The following STIM1 variants were observed in gnomAD, a reference collection of about 807,000 sequenced individuals.
STIM1 encodes the protein stromal interaction molecule 1.
STIM1 carries 25 observed loss-of-function variants against 74.7 expected under a neutral mutation model. The observed-to-expected ratio is 0.33, with a 90% confidence interval of 0.24 to 0.47. The LOEUF is 0.47. Ranked by LOEUF, STIM1 falls within the 20% of genes least tolerant of loss-of-function variation. The pLI, the probability that STIM1 is intolerant of heterozygous loss-of-function variation, is 1.00. For missense variants in STIM1, 728 were observed against 920.8 expected (o/e 0.79, Z 2.71); for synonymous variants, 328 against 348.8 (o/e 0.94, Z 0.66).
At chr11:4,081,234 A>G (rs552944233) in intron 7 of STIM1, among the ~76,000 whole-genome samples, 1 of 152,312 alleles carries the variant, frequency 6.6e-6, no homozygotes, top group South Asian at 2.1e-4. Flanking sequence ...GAGATCACTT[A>G]TGCTGGTAGC....
intron 2 of STIM1, chr11:3,972,830 A>G: frequency 2.1e-6 from 1 of 474,378 alleles, no homozygotes; most frequent in Admixed American, 2.3e-5. Context: ...ATAGCTACTG[A>G]CTGGAACCAC....
chr11:3,955,474 G>A (rs1475323080), intron 1 of STIM1, among the ~76,000 whole-genome samples: 1 of 152,110 alleles, frequency 6.6e-6, no homozygotes, highest in East Asian at 1.9e-4. Context: ...TGTGGGGTAT[G>A]GTTACTCATG....
At chr11:3,939,696 A>G (rs975183523) in intron 1 of STIM1, among the ~76,000 whole-genome samples, 1 of 152,218 alleles carries the variant, frequency 6.6e-6, no homozygotes, top group African/African-American at 2.4e-5. Flanking sequence ...ATCAACTGGT[A>G]TCCTCAGTGC....
chr11:3,863,768 T>C (rs921195159), intron 1 of STIM1, among the ~76,000 whole-genome samples: 1 of 152,152 alleles, frequency 6.6e-6, no homozygotes, highest in Non-Finnish European at 1.5e-5. Flanking sequence ...TCGACTGTCT[T>C]GGTGTCACAG....
chr11:3,883,386 A>G (rs1279439777), intron 1 of STIM1, among the ~76,000 whole-genome samples: 2 of 151,710 alleles, frequency 1.3e-5, no homozygotes, highest in African/African-American at 4.8e-5. Context: ...ACAGAGTTTC[A>G]CTCTTGTTGC....
intron 1 of STIM1, among the ~76,000 whole-genome samples, chr11:3,866,719 A>G (rs1409604551): frequency 6.6e-6 from 1 of 152,020 alleles, no homozygotes; most frequent in Non-Finnish European, 1.5e-5. Flanking sequence ...AGTACCTAAG[A>G]GCACTGGGCA....
intron 7 of STIM1, 104 bp downstream of exon 7, chr11:4,074,783 C>A: frequency 1.6e-6 from 2 of 1,278,798 alleles, no homozygotes; most frequent in Non-Finnish European, 2.2e-6. Context: ...GAAATATGAT[C>A]CAAAGACTAT....
chr11:4,038,783 T>G (rs2094124483), intron 3 of STIM1, among the ~76,000 whole-genome samples: 1 of 152,206 alleles, frequency 6.6e-6, no homozygotes, highest in Admixed American at 6.5e-5. Context: ...GCTCTACTGC[T>G]ATGTATCTTT....
intron 2 of STIM1, chr11:3,974,009 T>A: frequency 1.5e-6 from 1 of 687,118 alleles, no homozygotes. Flanking sequence ...GTCCACCTTA[T>A]GTAGCCTTGC....
intron 3 of STIM1, among the ~76,000 whole-genome samples, chr11:4,043,677 A>ATG (rs1174622071): frequency 6.6e-6 from 1 of 152,158 alleles, no homozygotes; most frequent in East Asian, 1.9e-4. Context: ...TATATTGGCA[A>ATG]TGTGTGTACA....
chr11:4,022,193 T>G (rs928551326), intron 2 of STIM1, among the ~76,000 whole-genome samples: 1 of 151,460 alleles, frequency 6.6e-6, no homozygotes, highest in African/African-American at 2.4e-5. Context: ...ATTAGCCAGG[T>G]GGGGTGGCGT....
intron 2 of STIM1, among the ~76,000 whole-genome samples, chr11:3,975,244 G>A (rs1281572428): frequency 2.6e-5 from 4 of 152,202 alleles, no homozygotes; most frequent in South Asian, 2.1e-4. Flanking sequence ...TACCATTGCA[G>A]CGTTGTTGTC....
intron 1 of STIM1, among the ~76,000 whole-genome samples, chr11:3,910,756 C>T (rs2092548164): frequency 6.7e-6 from 1 of 150,124 alleles, no homozygotes; most frequent in South Asian, 2.1e-4. Context: ...CCGAAGTGGG[C>T]GGATTACAAG....
chr11:4,082,791 G>T, intron 8 of STIM1, 91 bp from the exon 9 acceptor site: 1 of 1,000,422 alleles, frequency 1.0e-6, no homozygotes, highest in Non-Finnish European at 1.6e-6. Flanking sequence ...TGTGCTAGGA[G>T]GAGTGGGCCC....
intron 3 of STIM1, among the ~76,000 whole-genome samples, chr11:4,041,986 A>G (rs1245016768): frequency 6.6e-6 from 1 of 152,258 alleles, no homozygotes. Context: ...CAAAGAAAGT[A>G]CTGGCAACCT....
chr11:3,916,450 AT>A (rs113404071), intron 1 of STIM1, among the ~76,000 whole-genome samples: 52,255 of 126,082 alleles, frequency 0.41, 10,244 homozygotes, highest in African/African-American at 0.49. Flanking sequence ...ACCACACCCA[AT>A]TTTTTTTTTT....
chr11:3,939,104 A>T (rs1269937775), intron 1 of STIM1, among the ~76,000 whole-genome samples: 2 of 152,204 alleles, frequency 1.3e-5, no homozygotes, highest in South Asian at 2.1e-4. Flanking sequence ...TTAGACAAGA[A>T]TTTTCTAAAA....
intron 1 of STIM1, among the ~76,000 whole-genome samples, chr11:3,958,170 T>G (rs765295069): frequency 2.6e-5 from 4 of 152,172 alleles, no homozygotes; most frequent in Non-Finnish European, 5.9e-5. Context: ...AGCTGATTAA[T>G]TTTTGATGAG....
chr11:3,932,489 C>T (rs192081571), intron 1 of STIM1, among the ~76,000 whole-genome samples: 113 of 151,956 alleles, frequency 7.4e-4, no homozygotes, highest in African/African-American at 2.7e-3. Flanking sequence ...AGTGAAGCCC[C>T]GTCTCTATTA....
Sources: allele counts gnomAD v4.1 joint callset (sites outside exome capture counted in the v4.1 genomes callset), GRCh38; gene constraint gnomAD v4.1.1; transcripts MANE v1.5; gene names NCBI Gene and HGNC (gene_info 2026-07-23, HGNC 2026-07-21).